The following TCHP variants were observed in gnomAD, a reference collection of about 807,000 sequenced individuals.
TCHP encodes the protein trichoplein keratin filament binding.
TCHP carries 81 observed loss-of-function variants against 88.7 expected under a neutral mutation model. The observed-to-expected ratio is 0.91, with a 90% CI of 0.76 to 1.10. TCHP has a LOEUF of 1.10. Among genes scored for constraint, TCHP ranks in the 50% least tolerant of loss-of-function variants. The probability of loss-of-function intolerance (pLI) is 0.00; values close to 1 mark genes in which losing one functional copy is unlikely to be tolerated. For synonymous variants in TCHP, 232 were observed against 232.5 expected (o/e 1.00, Z 0.02); for missense variants, 641 against 632.1 (o/e 1.01, Z -0.15).
chr12:109,902,879 TTTTG>T (rs918584812), intron 1 of TCHP, 144 bp from the exon 2 acceptor site: 78 of 556,044 alleles, frequency 1.4e-4, no homozygotes, highest in Non-Finnish European at 1.9e-4. Flanking sequence ...TCAGACACGG[TTTTG>T]TTTGTTTGTT....
the TCHP span, among the ~76,000 whole-genome samples, chr12:109,894,487 C>T: frequency 3.4e-5 from 5 of 145,942 alleles, no homozygotes; most frequent in Non-Finnish European, 1.5e-5. Context: ...AAAAAAAGGC[C>T]GGGTGCAGTG....
intron 5 of TCHP, among the ~76,000 whole-genome samples, chr12:109,906,845 A>G (rs1172668794): frequency 6.6e-6 from 1 of 152,198 alleles, no homozygotes; most frequent in Non-Finnish European, 1.5e-5. Flanking sequence ...AGGGCAGAAT[A>G]AGGCCAGGTG....
At chr12:109,915,193 T>C (rs566825723) in intron 11 of TCHP, 1 of 657,256 alleles carries the variant, frequency 1.5e-6, no homozygotes, top group Non-Finnish European at 2.6e-6. Flanking sequence ...GCGCCACGCA[T>C]ACAGCCTCTC....
At chr12:109,906,211 C>G (rs990216521) in intron 4 of TCHP, among the ~76,000 whole-genome samples, 2 of 152,224 alleles carry the variant, frequency 1.3e-5, no homozygotes, top group Non-Finnish European at 2.9e-5. Flanking sequence ...TCTTCTCACT[C>G]AGCTGTCTCC....
At chr12:109,890,494 A>G in the TCHP span, among the ~76,000 whole-genome samples, 2 of 150,162 alleles carry the variant, frequency 1.3e-5, no homozygotes, top group African/African-American at 4.9e-5. Context: ...GAGCAAGCCA[A>G]CCTTTTTCTT....
chr12:109,909,414 C>T (rs1452411171), intron 8 of TCHP, among the ~76,000 whole-genome samples: 3 of 152,248 alleles, frequency 2.0e-5, no homozygotes, highest in African/African-American at 4.8e-5. Context: ...GTTTAGTTCA[C>T]ATCTTTCTAG....
chr12:109,884,596 G>A, the TCHP span, among the ~76,000 whole-genome samples: 1 of 152,074 alleles, frequency 6.6e-6, no homozygotes, highest in African/African-American at 2.4e-5. Context: ...GTTCTTCAAG[G>A]GAAACCAGAA....
the TCHP span, among the ~76,000 whole-genome samples, chr12:109,884,274 C>T: frequency 2.0e-5 from 3 of 152,022 alleles, no homozygotes; most frequent in East Asian, 1.9e-4. Flanking sequence ...CTACAAGCTC[C>T]GCCTTCCGGG....
intron 8 of TCHP, among the ~76,000 whole-genome samples, chr12:109,909,315 A>G (rs1443502066): frequency 6.6e-6 from 1 of 152,212 alleles, no homozygotes; most frequent in Non-Finnish European, 1.5e-5. Flanking sequence ...ATTTTTCAGT[A>G]ACTGTGTTAC....
In TCHP at chr12:109,917,099, G is replaced by T; in HGVS notation, c.*476G>T. 2 of 153,252 alleles carry T rather than the reference G, an allele frequency of 1.3e-5. No homozygotes were observed. The highest frequency in any genetic ancestry group is 2.9e-5 in the Non-Finnish European group (2 of 68,714). 9.5% of individuals were successfully genotyped at this position (153,252 alleles called of 1,614,324 possible). A position where few individuals can be genotyped will look rare whatever the true frequency, so the allele number is the denominator to read the frequency against. On this transcript the variant is annotated 3_prime_UTR_variant, in exon 13 of 13. Transcript: ENST00000405876. ...AGGTCTTGGTGCAGTTGATTTCAGA[G>T]TTTATTAATTTAGTGGTCCCAAAAG... is the stretch of plus-strand genomic sequence containing the variant.
At chr12:109,906,964 A>C (rs950923581) in intron 5 of TCHP, among the ~76,000 whole-genome samples, 3 of 152,106 alleles carry the variant, frequency 2.0e-5, no homozygotes, top group Non-Finnish European at 1.5e-5. Flanking sequence ...CTCACAGCTC[A>C]CTGCAGCCTC....
the TCHP span, chr12:109,888,388 C>CA: frequency 6.6e-6 from 1 of 152,202 alleles, no homozygotes; most frequent in Non-Finnish European, 1.5e-5. Context: ...CCATGAGTTG[C>CA]AAACCCTCTC....
the TCHP span, among the ~76,000 whole-genome samples, chr12:109,892,572 G>A: frequency 6.6e-6 from 1 of 152,204 alleles, no homozygotes; most frequent in Non-Finnish European, 1.5e-5. Flanking sequence ...TTGGGACTTA[G>A]GAAGTAGAGG....
At chr12:109,914,371 T>TC in intron 10 of TCHP, 71 bp from the exon 11 acceptor site, 1 of 1,442,656 alleles carries the variant, frequency 6.9e-7, no homozygotes, top group Non-Finnish European at 9.5e-7. Flanking sequence ...CTGCAGCCTG[T>TC]CCAAGGCTTG....
chr12:109,912,114 A>G (rs565384341), intron 9 of TCHP, among the ~76,000 whole-genome samples: 16 of 152,254 alleles, frequency 1.1e-4, no homozygotes, highest in African/African-American at 3.4e-4. Context: ...TATTATAGAG[A>G]TGTTGAATGC....
intron 1 of TCHP, among the ~76,000 whole-genome samples, chr12:109,902,219 T>C (rs1869839075): frequency 1.3e-5 from 2 of 152,204 alleles, no homozygotes; most frequent in South Asian, 4.1e-4. Context: ...TCACCCAGGC[T>C]GAGTGCAGTG....
upstream of TCHP, among the ~76,000 whole-genome samples, chr12:109,895,767 C>A (rs985847563): frequency 7.2e-5 from 11 of 152,224 alleles, no homozygotes; most frequent in Non-Finnish European, 1.6e-4. Flanking sequence ...CCCATAGTGT[C>A]ACCCCCTCTC....
At chr12:109,914,370 G>A (rs1222418145) in intron 10 of TCHP, 72 bp from the exon 11 acceptor site, 2 of 1,435,606 alleles carry the variant, frequency 1.4e-6, no homozygotes, top group South Asian at 1.3e-5. Context: ...GCTGCAGCCT[G>A]TCCAAGGCTT....
rs1000555883 is a variant in TCHP at position 109,905,425 on chromosome 12, T to C, written c.456+632T>C. Among the ~76,000 whole-genome samples the C allele has an allele frequency of 1.3e-5, 2 of 152,044 alleles. No homozygotes were observed. Among genetic ancestry groups the C allele is most frequent in the Admixed American group, 6.6e-5 (1 of 15,262 alleles). ...TCCTCCAAAGGGGCTGGGGGCAGCATACAGGATCCCAGCTGCATTTCAGAG... is the reference window on the plus strand; with the variant it reads ...TCCTCCAAAGGGGCTGGGGGCAGCACACAGGATCCCAGCTGCATTTCAGAG... On this transcript the variant is annotated intron_variant, in intron 4 of 12. Coordinates refer to ENST00000405876, the MANE Select transcript of TCHP (RefSeq NM_001143852.2). This position sits in a 1 kb window ranked among gnomAD's most constrained non-coding sequence, Gnocchi z 4.0.
Sources: gnomAD v4.1 joint callset for allele counts (sites outside exome capture counted in the v4.1 genomes callset) on GRCh38, gnomAD v4.1.1 for gene constraint, Gnocchi (gnomAD v3.1) non-coding constraint, MANE v1.5 for transcripts, NCBI Gene and HGNC (gene_info 2026-07-23, HGNC 2026-07-21) for gene names.